The following SCAF8 variants were observed in gnomAD, a reference collection of about 807,000 sequenced individuals.
The protein encoded by SCAF8 is SR-related CTD associated factor 8.
A neutral mutation model predicts 140.5 loss-of-function variants in SCAF8; 23 were observed. The ratio of observed to expected loss-of-function variants is 0.16; its 90% CI spans 0.12 to 0.23. The LOEUF (loss-of-function observed/expected upper bound fraction) is 0.23, where lower values mean the gene tolerates loss of function less well. Ranked by LOEUF, SCAF8 falls within the 10% of genes least tolerant of loss-of-function variation. The probability of loss-of-function intolerance (pLI) is 1.00; values close to 1 mark genes in which losing one functional copy is unlikely to be tolerated. For missense variants in SCAF8, 1,397 were observed against 1,555.7 expected (o/e 0.90, Z 1.72); for synonymous variants, 575 against 528.9 (o/e 1.09, Z -1.20).
rs1583073539 is a variant in SCAF8 at position 154,829,297 on chromosome 6, A to G, written c.2141-1625A>G. 1.4e-5 allele frequency among the ~76,000 whole-genome samples: 2 copies of G among 145,288 alleles called. 1 individual carries two copies. Among genetic ancestry groups the G allele is most frequent in the South Asian group, 4.3e-4 (2 of 4,604 alleles). On this transcript the variant is annotated intron_variant, in intron 18 of 19. Coordinates refer to ENST00000367178, the MANE Select transcript of SCAF8 (RefSeq NM_014892.5). ...TAGCTTACTTGGTTTTGATATCTGTATTTTCTTTACTAGAATAGACATTTC... is the reference window on the plus strand; with the variant it reads ...TAGCTTACTTGGTTTTGATATCTGTGTTTTCTTTACTAGAATAGACATTTC...
intron 6 of SCAF8, among the ~76,000 whole-genome samples, chr6:154,796,923 G>GATC (rs1777624828): frequency 6.6e-6 from 1 of 151,444 alleles, no homozygotes; most frequent in Non-Finnish European, 1.5e-5. Context: ...AGAGAGCCAA[G>GATC]ATCATGCCAT....
chr6:154,809,327 G>A (rs972603369), intron 11 of SCAF8, among the ~76,000 whole-genome samples: 3 of 152,098 alleles, frequency 2.0e-5, no homozygotes, highest in African/African-American at 7.2e-5. Flanking sequence ...ACAGTAAATG[G>A]TGTAAGAGGG....
At chr6:154,756,169 G>T (rs147303752) in intron 1 of SCAF8, among the ~76,000 whole-genome samples, 2 of 152,296 alleles carry the variant, frequency 1.3e-5, no homozygotes, top group East Asian at 3.9e-4. Context: ...CCACTTTTGT[G>T]TACAGTATTA....
At chr6:154,822,762 A>ATT (rs1284355299) in intron 16 of SCAF8, among the ~76,000 whole-genome samples, 1 of 152,170 alleles carries the variant, frequency 6.6e-6, no homozygotes, top group Non-Finnish European at 1.5e-5. Context: ...TTTAGAAATG[A>ATT]TGTCATTCAT....
intron 1 of SCAF8, chr6:154,741,910 G>A (rs996589086): frequency 1.5e-6 from 2 of 1,339,528 alleles, no homozygotes; most frequent in Non-Finnish European, 2.1e-6. Context: ...AGCTCATTTT[G>A]TCTGGTTTTG....
At chr6:154,786,683 A>G (rs1413266434) in intron 3 of SCAF8, among the ~76,000 whole-genome samples, 2 of 152,362 alleles carry the variant, frequency 1.3e-5, no homozygotes, top group South Asian at 4.1e-4. Flanking sequence ...TTTCACTGTC[A>G]TAACTTCCTC....
At position 154,735,908 on chromosome 6, in the gene SCAF8, C is replaced by T. The variant is rs189248698; in HGVS notation, c.30+1978C>T. Among the ~76,000 whole-genome samples, 262 of 151,914 alleles carry T rather than the reference C, an allele frequency of 1.7e-3. 1 individual carries two copies. Among genetic ancestry groups the T allele is most frequent in the Admixed American group, 7.0e-3 (106 of 15,240 alleles). On this transcript the variant is annotated intron_variant, in intron 1 of 19. Transcript: ENST00000367178. ...GTGGTGTGATCTTGGCTCACTGCAT[C>T]CTTTGCCTCCCGGGCCCAAGGGGTC...
At chr6:154,830,572 A>G (rs1778700897) in intron 18 of SCAF8, among the ~76,000 whole-genome samples, 1 of 152,196 alleles carries the variant, frequency 6.6e-6, no homozygotes, top group South Asian at 2.1e-4. Flanking sequence ...ATACTCATAC[A>G]TTTCAGTCTG....
intron 1 of SCAF8, among the ~76,000 whole-genome samples, chr6:154,750,132 G>T (rs1451843273): frequency 6.7e-6 from 1 of 149,396 alleles, no homozygotes; most frequent in Admixed American, 6.7e-5. Flanking sequence ...GGTGGATGGG[G>T]GATTTTTTTT....
intron 18 of SCAF8, among the ~76,000 whole-genome samples, chr6:154,828,116 C>G (rs1195685512): frequency 6.6e-6 from 1 of 152,198 alleles, no homozygotes; most frequent in Admixed American, 6.5e-5. Flanking sequence ...TTTAGTGGAA[C>G]AGTAGAACCT....
At chr6:154,823,518 A>G (rs1409645008) in intron 16 of SCAF8, among the ~76,000 whole-genome samples, 1 of 152,188 alleles carries the variant, frequency 6.6e-6, no homozygotes, top group Non-Finnish European at 1.5e-5. Flanking sequence ...TGTTGTAGCC[A>G]ACAGGACTTT....
At chr6:154,735,968 T>C (rs1030304581) in intron 1 of SCAF8, among the ~76,000 whole-genome samples, 2 of 151,678 alleles carry the variant, frequency 1.3e-5, no homozygotes, top group African/African-American at 4.8e-5. Flanking sequence ...TAGGTGAGAT[T>C]ACAGGCCAGT....
At chr6:154,770,028 CG>C (rs1017171777) in intron 1 of SCAF8, among the ~76,000 whole-genome samples, 11 of 152,038 alleles carry the variant, frequency 7.2e-5, no homozygotes, top group African/African-American at 2.7e-4. Context: ...GGTGAGAAGA[CG>C]GGCATACCGG....
intron 16 of SCAF8, among the ~76,000 whole-genome samples, chr6:154,822,911 C>A (rs901939197): frequency 6.6e-6 from 1 of 151,888 alleles, no homozygotes; most frequent in Non-Finnish European, 1.5e-5. Context: ...TGACAGAAAA[C>A]GTAAAATAAA....
At chr6:154,806,464 T>C (rs2114906460) in intron 9 of SCAF8, among the ~76,000 whole-genome samples, 1 of 152,288 alleles carries the variant, frequency 6.6e-6, no homozygotes, top group South Asian at 2.1e-4. Flanking sequence ...GTTAGGCAAG[T>C]GTTACATACA....
Position 154,775,744 on chromosome 6 carries a change from G to GT in SCAF8, c.114+1679dup, listed in dbSNP as rs536584892. Among the ~76,000 whole-genome samples, 301 of 151,764 alleles carry GT rather than the reference G, an allele frequency of 2.0e-3. 1 individual carries two copies. Among genetic ancestry groups the GT allele is most frequent in the African/African-American group, 6.4e-3 (266 of 41,438 alleles). The stretch of plus-strand genomic sequence containing the variant: ...ACGCAGTAAGATCTTGGCTCTTAAA[G>GT]TTTTTTTAAAAAAAGAAGTAATGTT... On this transcript the variant is annotated intron_variant, in intron 2 of 19. Transcript: ENST00000367178.
At chr6:154,800,119 G>A (rs1388903038) in intron 6 of SCAF8, among the ~76,000 whole-genome samples, 4 of 151,228 alleles carry the variant, frequency 2.6e-5, no homozygotes, top group African/African-American at 4.8e-5. Context: ...ACTCTTACCT[G>A]TCATTGTTTA....
At chr6:154,773,413 G>A (rs543840889) in intron 1 of SCAF8, among the ~76,000 whole-genome samples, 10 of 152,070 alleles carry the variant, frequency 6.6e-5, no homozygotes, top group South Asian at 4.2e-4. Flanking sequence ...CTCATATTTC[G>A]TCGAATAGAT....
chr6:154,787,556 G>T (rs964076783), intron 3 of SCAF8, among the ~76,000 whole-genome samples: 1 of 152,104 alleles, frequency 6.6e-6, no homozygotes, highest in Admixed American at 6.5e-5. Flanking sequence ...CTTCCATGTA[G>T]CTTTTCACAG....
Sources: allele counts gnomAD v4.1 joint callset (sites outside exome capture counted in the v4.1 genomes callset), GRCh38; gene constraint gnomAD v4.1.1; transcripts MANE v1.5; gene names NCBI Gene and HGNC (gene_info 2026-07-23, HGNC 2026-07-21).